GLMN: variants seen among roughly 807,000 people sequenced by gnomAD.
The protein encoded by GLMN is glomulin.
A neutral mutation model predicts 87.8 loss-of-function variants in GLMN; 75 were observed. The observed-to-expected ratio is 0.85, with a 90% CI of 0.71 to 1.04. The LOEUF is 1.04. Ranked by LOEUF, GLMN falls within the 50% of genes least tolerant of loss-of-function variation. GLMN has a pLI of 0.00. For missense variants in GLMN, 588 were observed against 658.8 expected, an observed-to-expected ratio of 0.89 and a Z score of 1.18; for synonymous variants, 206 against 221.6, an observed-to-expected ratio of 0.93 and a Z score of 0.63.
the GLMN span, among the ~76,000 whole-genome samples, chr1:92,358,743 C>G: frequency 3.3e-5 from 5 of 151,800 alleles, no homozygotes; most frequent in African/African-American, 1.2e-4. Flanking sequence ...ATGCACCATC[C>G]TGCTCAGCTT....
chr1:92,328,477 C>A, the GLMN span, among the ~76,000 whole-genome samples: 1 of 152,112 alleles, frequency 6.6e-6, no homozygotes, highest in Admixed American at 6.5e-5. Flanking sequence ...CTAAGTATGT[C>A]CTTCATTTCC....
At chr1:92,253,552 A>T (rs1653815740) in intron 16 of GLMN, among the ~76,000 whole-genome samples, 1 of 152,158 alleles carries the variant, frequency 6.6e-6, no homozygotes, top group Non-Finnish European at 1.5e-5. Context: ...CCCCTCTGGG[A>T]TGAAGCTTCC....
intron 7 of GLMN, among the ~76,000 whole-genome samples, chr1:92,273,600 C>T (rs1025046258): frequency 1.3e-5 from 2 of 151,836 alleles, no homozygotes; most frequent in Non-Finnish European, 1.5e-5. Flanking sequence ...TACATGCCAC[C>T]ATGCCCGCTA....
In GLMN at chr1:92,287,091, C is replaced by T. The variant is rs372619039; in HGVS notation, c.633-499G>A. ...TAGTAATGGGGAGAACATGAGAACA[C>T]CTTGCTAGACTCAACATGCTAAGAC... On this transcript the variant is annotated intron_variant, in intron 6 of 18. Coordinates refer to ENST00000370360, the MANE Select transcript of GLMN (RefSeq NM_053274.3). Among the ~76,000 whole-genome samples, 86 of 152,298 alleles carry T rather than the reference C, an allele frequency of 5.6e-4. 1 individual carries two copies. The highest frequency in any genetic ancestry group is 1.9e-3 in the African/African-American group (81 of 41,570).
At chr1:92,250,123 T>TAAAG (rs1352743601) in intron 16 of GLMN, among the ~76,000 whole-genome samples, 1 of 151,962 alleles carries the variant, frequency 6.6e-6, no homozygotes, top group Non-Finnish European at 1.5e-5. Flanking sequence ...CATTTGAACA[T>TAAAG]AAAGAGTATA....
the GLMN span, among the ~76,000 whole-genome samples, chr1:92,332,354 A>G: frequency 6.6e-6 from 1 of 151,774 alleles, no homozygotes; most frequent in East Asian, 1.9e-4. Flanking sequence ...AAAATTTTCA[A>G]CCTCATAATT....
chr1:92,358,186 T>C, the GLMN span, among the ~76,000 whole-genome samples: 1 of 152,222 alleles, frequency 6.6e-6, no homozygotes, highest in Non-Finnish European at 1.5e-5. Context: ...AAAAACTTTT[T>C]ATTGTGGCCT....
upstream of GLMN, among the ~76,000 whole-genome samples, chr1:92,300,465 G>A (rs1468744514): frequency 6.6e-6 from 1 of 152,180 alleles, no homozygotes; most frequent in African/African-American, 2.4e-5. Flanking sequence ...GTGAAGGAAT[G>A]AGTGTCTGTA....
At chr1:92,298,359 C>A (rs1406516527) in intron 1 of GLMN, among the ~76,000 whole-genome samples, 1 of 151,842 alleles carries the variant, frequency 6.6e-6, no homozygotes, top group African/African-American at 2.4e-5. Flanking sequence ...TCCCAAGAGG[C>A]GAGGCATATA....
upstream of GLMN, among the ~76,000 whole-genome samples, chr1:92,302,727 G>A (rs897329582): frequency 1.5e-4 from 22 of 146,302 alleles, no homozygotes; most frequent in Middle Eastern, 3.6e-3. Context: ...TCAGCCTCCC[G>A]AGTAGCTGGG....
At chr1:92,263,871 C>A in intron 14 of GLMN, 139 bp from the exon 15 acceptor site, 1 of 672,902 alleles carries the variant, frequency 1.5e-6, no homozygotes, top group Non-Finnish European at 2.7e-6. Context: ...CTTTCATTCA[C>A]TTTCCAGACA....
chr1:92,324,882 A>C, the GLMN span, among the ~76,000 whole-genome samples: 2 of 152,216 alleles, frequency 1.3e-5, no homozygotes, highest in Non-Finnish European at 2.9e-5. Context: ...AGAGAATGGA[A>C]AGCACATTCA....
Position 92,246,647 on chromosome 1 carries a change from C to G in GLMN, c.1669-1G>C. On this transcript the variant is annotated splice_acceptor_variant, in intron 18 of 18. Transcript: ENST00000370360. LOFTEE classifies it high-confidence loss of function. ...ATGTGAAAAGAGCTGAATGCAGGAC[C>G]TGCAATGCCAAGAAAAAGTAATGTT... 2 of 1,456,744 alleles carry G rather than the reference C, an allele frequency of 1.4e-6. No homozygotes were observed. The highest frequency in any genetic ancestry group is 1.9e-6 in the Non-Finnish European group (2 of 1,036,304). The allele number at this position is 1,456,744 out of a possible 1,614,324, so 90.2% of individuals were successfully genotyped here.
At chr1:92,357,560 C>CA in the GLMN span, among the ~76,000 whole-genome samples, 3 of 152,176 alleles carry the variant, frequency 2.0e-5, no homozygotes, top group African/African-American at 7.2e-5. Flanking sequence ...TTTTCAGACA[C>CA]AGTCTCTGTT....
At chr1:92,307,668 T>A in the GLMN span, among the ~76,000 whole-genome samples, 1 of 152,176 alleles carries the variant, frequency 6.6e-6, no homozygotes, top group Non-Finnish European at 1.5e-5. Context: ...CAGGTTCATT[T>A]AATCTTTATA....
At chr1:92,353,344 A>T in the GLMN span, among the ~76,000 whole-genome samples, 1 of 152,266 alleles carries the variant, frequency 6.6e-6, no homozygotes, top group Non-Finnish European at 1.5e-5. Context: ...GAACTTTACA[A>T]ATTATCTCAT....
At chr1:92,303,954 A>G, upstream of GLMN, 1 of 1,510,204 alleles carries the variant, frequency 6.6e-7, no homozygotes, top group Non-Finnish European at 9.1e-7. Flanking sequence ...CTAGGAGGAA[A>G]TAACCCTCTC....
the GLMN span, among the ~76,000 whole-genome samples, chr1:92,344,731 C>T: frequency 1.3e-5 from 2 of 152,134 alleles, no homozygotes; most frequent in Non-Finnish European, 2.9e-5. Context: ...CTATTTCTTC[C>T]CATCCTCACC....
chr1:92,276,928 A>C (rs1444878713), intron 7 of GLMN, among the ~76,000 whole-genome samples: 1 of 152,118 alleles, frequency 6.6e-6, no homozygotes, highest in Non-Finnish European at 1.5e-5. Flanking sequence ...AATGTTTGTA[A>C]ATTTTTACAA....
Sources: allele counts gnomAD v4.1 joint callset (sites outside exome capture counted in the v4.1 genomes callset), GRCh38; gene constraint gnomAD v4.1.1; transcripts MANE v1.5; gene names NCBI Gene and HGNC (gene_info 2026-07-23, HGNC 2026-07-21).